Variants in TUSC3 observed in about 807,000 individuals in gnomAD.
TUSC3 encodes the protein dolichyl-diphosphooligosaccharide--protein glycosyltransferase subunit TUSC3.
TUSC3 carries 45 observed loss-of-function variants against 44.8 expected under a neutral mutation model. That is an observed-to-expected ratio of 1.00 (90% CI 0.79 to 1.29). The LOEUF (loss-of-function observed/expected upper bound fraction) is 1.29, where lower values mean the gene tolerates loss of function less well. TUSC3 is among the 50% of genes most tolerant of loss of function. The pLI, the probability that TUSC3 is intolerant of heterozygous loss-of-function variation, is 0.00. For synonymous variants in TUSC3, 212 were observed against 152.9 expected (o/e 1.39, Z -2.85); for missense variants, 519 against 437.9 (o/e 1.19, Z -1.65).
At chr8:15,440,796 AAGAG>A (rs566256029) in intron 1 of TUSC3, among the ~76,000 whole-genome samples, 61 of 152,164 alleles carry the variant, frequency 4.0e-4, no homozygotes, top group Non-Finnish European at 7.1e-4. Context: ...AACTACTGGG[AAGAG>A]AGAGACTACT....
the TUSC3 span, among the ~76,000 whole-genome samples, chr8:15,839,690 C>G: frequency 1.1e-4 from 17 of 152,142 alleles, no homozygotes; most frequent in Non-Finnish European, 1.8e-4. Context: ...CCATCTCACA[C>G]CAGTTAGAAT....
chr8:15,688,995 T>C, intron 6 of TUSC3: 1 of 251,482 alleles, frequency 4.0e-6, no homozygotes, highest in Non-Finnish European at 8.1e-6. Context: ...TGACTTGGGG[T>C]TACAGTCAAA....
rs35757466 is a variant in TUSC3, at chr8:15,555,276, ATTTTTTTTTTTTTTTT to A, written c.138+14728_138+14743del. Among the ~76,000 whole-genome samples the A allele has an allele frequency of 7.6e-4, 34 of 44,894 alleles. 1 individual carries two copies. Among genetic ancestry groups the A allele is most frequent in the East Asian group, 3.5e-3 (4 of 1,154 alleles). 29.5% of individuals were successfully genotyped at this position (44,894 alleles called of 152,430 possible). A position where few individuals can be genotyped will look rare whatever the true frequency, so the allele number is the denominator to read the frequency against. On this transcript the variant is annotated intron_variant, in intron 1 of 10. Transcript: ENST00000503731. ...GTTCATGTGCCACCATGCCAGGCTA[ATTTTTTTTTTTTTTTT>A]TTTTTTTTTTTTTTTTTTTAAAGAC...
the TUSC3 span, among the ~76,000 whole-genome samples, chr8:15,818,848 C>T: frequency 6.6e-6 from 1 of 152,164 alleles, no homozygotes; most frequent in Non-Finnish European, 1.5e-5. Context: ...TGTTTCGTTG[C>T]TAATTTAATG....
At chr8:15,530,470 T>G (rs1165027080) in intron 2 of TUSC3, among the ~76,000 whole-genome samples, 1 of 152,172 alleles carries the variant, frequency 6.6e-6, no homozygotes, top group African/African-American at 2.4e-5. Context: ...TTCATCTTCA[T>G]GGTACCATTA....
Position 15,614,589 on chromosome 8 carries a change from C to G in TUSC3, c.139-8491C>G, listed in dbSNP as rs563514480. Among the ~76,000 whole-genome samples, 9 of 152,158 alleles carry G rather than the reference C, an allele frequency of 5.9e-5. No homozygotes were observed. The East Asian group carries it at 1.7e-3, about 29-fold the overall frequency. Reference sequence around the variant, plus strand: ...GCTTCTTTCAGTGAATATAATGTTCCTGAGGCTTATCCATGTCGTGGCAGT... The same window carrying G: ...GCTTCTTTCAGTGAATATAATGTTCGTGAGGCTTATCCATGTCGTGGCAGT... On this transcript the variant is annotated intron_variant, in intron 1 of 10. Transcript: ENST00000503731.
At chr8:15,533,083 G>A (rs191570924) in intron 2 of TUSC3, among the ~76,000 whole-genome samples, 31 of 152,246 alleles carry the variant, frequency 2.0e-4, no homozygotes, top group Admixed American at 1.6e-3. Context: ...GAGCCACCAC[G>A]CCCAGACCGA....
At chr8:15,621,970 C>A (rs1805266795) in intron 1 of TUSC3, among the ~76,000 whole-genome samples, 1 of 152,090 alleles carries the variant, frequency 6.6e-6, no homozygotes, top group South Asian at 2.1e-4. Flanking sequence ...AGCACTGCAA[C>A]AAGTCTTTTA....
the TUSC3 span, among the ~76,000 whole-genome samples, chr8:15,821,686 G>A: frequency 6.6e-6 from 1 of 151,818 alleles, no homozygotes; most frequent in African/African-American, 2.4e-5. Flanking sequence ...CCTAAGCCAG[G>A]TTCCTTCTCT....
In TUSC3 at chr8:15,727,842, CT is replaced by C. The variant is rs1406358006; in HGVS notation, c.799-2822del. Reference sequence around the variant, plus strand: ...CTTACACTATTGTATATCATACTATCTTACTTGATTTTTAGTAAAGTATCTT... The same window carrying C: ...CTTACACTATTGTATATCATACTATCTACTTGATTTTTAGTAAAGTATCTT... On this transcript the variant is annotated intron_variant, in intron 6 of 10. Coordinates refer to ENST00000503731, the MANE Select transcript of TUSC3 (RefSeq NM_006765.4). Among the ~76,000 whole-genome samples, 5 of 152,256 alleles carry C rather than the reference CT, an allele frequency of 3.3e-5. No individual in the cohort carries two copies. The East Asian group carries it at 9.7e-4, about 29-fold the overall frequency.
At chr8:15,603,638 A>C (rs954434650) in intron 1 of TUSC3, among the ~76,000 whole-genome samples, 1 of 151,664 alleles carries the variant, frequency 6.6e-6, no homozygotes. Flanking sequence ...ATTTTATAAC[A>C]AGAATTTAGT....
Position 15,691,552 on chromosome 8 carries a change from T to C in TUSC3, c.798+17716T>C, listed in dbSNP as rs536441957. On this transcript the variant is annotated intron_variant, in intron 6 of 10. Coordinates refer to ENST00000503731, the MANE Select transcript of TUSC3 (RefSeq NM_006765.4). ...TAGGACTTAACAGTACCATGTTGCA[T>C]TGGAGTGGTAAGAGAAGGCATCTTT... Among the ~76,000 whole-genome samples the C allele has an allele frequency of 7.2e-5, 11 of 152,296 alleles. No individual in the cohort carries two copies. The East Asian group carries it at 2.1e-3, about 29-fold the overall frequency.
chr8:15,512,999 CA>C (rs1170608923), intron 2 of TUSC3, among the ~76,000 whole-genome samples: 1 of 139,322 alleles, frequency 7.2e-6, no homozygotes, highest in African/African-American at 2.8e-5. Flanking sequence ...ATACATAAGT[CA>C]AATTTTTTTC....
chr8:15,674,640 T>C (rs1251315142), intron 6 of TUSC3, among the ~76,000 whole-genome samples: 1 of 151,868 alleles, frequency 6.6e-6, no homozygotes, highest in African/African-American at 2.4e-5. Context: ...TAATTATTAT[T>C]ACTATATAAT....
chr8:15,547,239 A>C (rs1801901111), intron 1 of TUSC3, among the ~76,000 whole-genome samples: 1 of 151,616 alleles, frequency 6.6e-6, no homozygotes, highest in African/African-American at 2.4e-5. Context: ...ATTTTATTTA[A>C]TGGAAATATT....
At chr8:15,708,638 G>T (rs2129198594) in intron 6 of TUSC3, among the ~76,000 whole-genome samples, 1 of 152,008 alleles carries the variant, frequency 6.6e-6, no homozygotes, top group East Asian at 1.9e-4. Context: ...TGGTGGAGAA[G>T]AAAGATAAAA....
intron 2 of TUSC3, among the ~76,000 whole-genome samples, chr8:15,501,480 T>G (rs2129126968): frequency 6.6e-6 from 1 of 152,332 alleles, no homozygotes; most frequent in East Asian, 1.9e-4. Context: ...TCATCTTAAA[T>G]CACTAGTGCC....
the TUSC3 span, among the ~76,000 whole-genome samples, chr8:15,804,983 T>C: frequency 6.6e-6 from 1 of 152,170 alleles, no homozygotes; most frequent in South Asian, 2.1e-4. Context: ...TTTTATTTGT[T>C]TGTGTCATCT....
At chr8:15,728,743 A>G (rs1473295608) in intron 6 of TUSC3, among the ~76,000 whole-genome samples, 1 of 152,134 alleles carries the variant, frequency 6.6e-6, no homozygotes, top group Non-Finnish European at 1.5e-5. Context: ...CTGGATGACA[A>G]CACCTGGGAA....
Sources: allele counts gnomAD v4.1 joint callset (sites outside exome capture counted in the v4.1 genomes callset), GRCh38; gene constraint gnomAD v4.1.1; transcripts MANE v1.5; gene names NCBI Gene and HGNC (gene_info 2026-07-23, HGNC 2026-07-21).